Variants in BLTP3A observed in about 807,000 individuals in gnomAD.
The protein encoded by BLTP3A is ICBP90 binding protein 1.
At chr6:34,857,161 G>A in the BLTP3A span, among the ~76,000 whole-genome samples, 1 of 152,164 alleles carries the variant, frequency 6.6e-6, no homozygotes, top group Non-Finnish European at 1.5e-5. Context: ...AAACTAACTC[G>A]CGTATAGTGC....
the BLTP3A span, among the ~76,000 whole-genome samples, chr6:34,800,028 C>T: frequency 2.6e-5 from 4 of 151,492 alleles, no homozygotes; most frequent in Admixed American, 6.6e-5. Flanking sequence ...GAGATTAATG[C>T]TTTTGCATTG....
chr6:34,864,782 A>T, the BLTP3A span, among the ~76,000 whole-genome samples: 1 of 152,266 alleles, frequency 6.6e-6, no homozygotes, highest in East Asian at 1.9e-4. Context: ...AGCCTGGCCA[A>T]CATGGTAAAA....
the BLTP3A span, among the ~76,000 whole-genome samples, chr6:34,803,325 A>G: frequency 5.5e-4 from 83 of 151,878 alleles, no homozygotes; most frequent in African/African-American, 2.0e-3. Flanking sequence ...TGAAACAGCT[A>G]AAGTTTGCTC....
the BLTP3A span, among the ~76,000 whole-genome samples, chr6:34,851,985 AAT>A: frequency 6.6e-6 from 1 of 152,100 alleles, no homozygotes; most frequent in Non-Finnish European, 1.5e-5. Context: ...GCTTGTGGTG[AAT>A]GCTCTCAGGT....
the BLTP3A span, chr6:34,858,546 A>G: frequency 1.2e-6 from 2 of 1,613,820 alleles, no homozygotes; most frequent in Non-Finnish European, 1.7e-6. Flanking sequence ...GGGCCTGCCT[A>G]CCCCTCCGCT....
At chr6:34,821,913 T>C in the BLTP3A span, 5 of 1,614,216 alleles carry the variant, frequency 3.1e-6, no homozygotes, top group Non-Finnish European at 4.2e-6. Context: ...CTTTCCTCTT[T>C]CAGATCCAGT....
the BLTP3A span, among the ~76,000 whole-genome samples, chr6:34,810,623 C>T: frequency 1.3e-5 from 2 of 152,154 alleles, no homozygotes. Context: ...CGTGTGCCAC[C>T]ATGCCCAGCT....
the BLTP3A span, among the ~76,000 whole-genome samples, chr6:34,804,375 T>C: frequency 6.6e-6 from 1 of 152,130 alleles, no homozygotes; most frequent in Non-Finnish European, 1.5e-5. Context: ...CAGTAGGAAC[T>C]CAAAGACAAA....
At chr6:34,868,650 G>A in the BLTP3A span, among the ~76,000 whole-genome samples, 2 of 151,838 alleles carry the variant, frequency 1.3e-5, no homozygotes, top group African/African-American at 4.8e-5. Context: ...CTTGAACCGG[G>A]GAGGCGGAGG....
At chr6:34,792,322 G>C in the BLTP3A span, 1 of 1,535,018 alleles carries the variant, frequency 6.5e-7, no homozygotes, top group Admixed American at 2.0e-5. Context: ...GGCCCCCGGC[G>C]GTCCTGGGCC....
chr6:34,851,600 C>T, the BLTP3A span, among the ~76,000 whole-genome samples: 1 of 152,180 alleles, frequency 6.6e-6, no homozygotes, highest in Non-Finnish European at 1.5e-5. Context: ...TACTGGGTCT[C>T]TCCTAAGGCC....
the BLTP3A span, among the ~76,000 whole-genome samples, chr6:34,800,593 C>A: frequency 3.9e-4 from 60 of 152,130 alleles, no homozygotes; most frequent in African/African-American, 1.4e-3. Context: ...TGGTTGTGAA[C>A]ACAGATATTA....
At chr6:34,867,212 C>CT in the BLTP3A span, 3 of 1,595,854 alleles carry the variant, frequency 1.9e-6, no homozygotes, top group Non-Finnish European at 2.6e-6. Flanking sequence ...CATTTGTCCT[C>CT]TTTTTCATGC....
the BLTP3A span, among the ~76,000 whole-genome samples, chr6:34,816,474 A>G: frequency 6.7e-6 from 1 of 150,182 alleles, no homozygotes; most frequent in African/African-American, 2.5e-5. Flanking sequence ...AGCTGGGTAT[A>G]GTGACATGCA....
chr6:34,821,866 T>G, the BLTP3A span: 1 of 1,614,164 alleles, frequency 6.2e-7, no homozygotes, highest in Admixed American at 1.7e-5. Flanking sequence ...GTAGGCCTGC[T>G]TTCTGGAGGG....
At chr6:34,794,075 G>A in the BLTP3A span, among the ~76,000 whole-genome samples, 1 of 151,920 alleles carries the variant, frequency 6.6e-6, no homozygotes, top group Non-Finnish European at 1.5e-5. Flanking sequence ...CAGGAGGATC[G>A]CTTCAGCTCG....
At chr6:34,863,202 C>A in the BLTP3A span, among the ~76,000 whole-genome samples, 2 of 152,118 alleles carry the variant, frequency 1.3e-5, no homozygotes, top group African/African-American at 4.8e-5. Flanking sequence ...TCACTGCGCC[C>A]GGCCTGAGTT....
At chr6:34,835,443 C>T in the BLTP3A span, 2 of 1,614,120 alleles carry the variant, frequency 1.2e-6, no homozygotes, top group Middle Eastern at 1.6e-4. Context: ...AAAGAAAGAG[C>T]CTGGCCCCTG....
At chr6:34,821,465 T>TCC in the BLTP3A span, 1 of 575,770 alleles carries the variant, frequency 1.7e-6, no homozygotes, top group Non-Finnish European at 3.1e-6. Flanking sequence ...AGTGCAGTGT[T>TCC]TACAACTAAT....
Sources: allele counts gnomAD v4.1 joint callset (sites outside exome capture counted in the v4.1 genomes callset), GRCh38; gene constraint gnomAD v4.1.1; transcripts MANE v1.5; gene names NCBI Gene and HGNC (gene_info 2026-07-23, HGNC 2026-07-21).